The following HEPHL1 variants were observed in gnomAD, a reference collection of about 807,000 sequenced individuals.
HEPHL1 encodes the protein hephaestin like 1, also known as ferroxidase HEPHL1.
HEPHL1 carries 123 observed loss-of-function variants against 122.0 expected under a neutral mutation model. That is an observed-to-expected ratio of 1.01 (90% CI 0.87 to 1.17). HEPHL1 has a LOEUF of 1.17. HEPHL1 is among the 50% of genes most tolerant of loss of function. HEPHL1 has a pLI of 0.00. For synonymous variants in HEPHL1, 527 were observed against 508.9 expected (o/e 1.04, Z -0.48); for missense variants, 1,452 against 1,430.5 (o/e 1.01, Z -0.24).
rs1214137801 is a variant in HEPHL1 at position 94,075,360 on chromosome 11, G to A, written c.1691G>A (p.Gly564Asp). 2.5e-6 allele frequency: 4 copies of A among 1,612,890 alleles called. No homozygotes were observed. The highest frequency in any genetic ancestry group is 1.7e-5 in the Admixed American group (1 of 59,898). Reference sequence around the variant, plus strand: ...GGGCCTTTGCTAGTCTGTAAAAAGGGCGTCCTCAATGCTGATGGGACACAG... The same window carrying A: ...GGGCCTTTGCTAGTCTGTAAAAAGGACGTCCTCAATGCTGATGGGACACAG... ...LVGPLLVCKKGVLNADGTQKG... is the reference protein window; with the variant it reads ...LVGPLLVCKKDVLNADGTQKG... Residue 564 changes from glycine (G) to aspartate (D), a missense_variant, in exon 9 of 20, where the codon GGC becomes GAC. Gly to Asp is a moderately conservative substitution (Grantham distance 94). Coordinates refer to ENST00000315765, the MANE Select transcript of HEPHL1 (RefSeq NM_001098672.2).
At chr11:94,075,886 C>T (rs940507384) in intron 9 of HEPHL1, among the ~76,000 whole-genome samples, 2 of 152,122 alleles carry the variant, frequency 1.3e-5, no homozygotes, top group African/African-American at 4.8e-5. Context: ...AAAAAGAAAG[C>T]ATTTAGATAA....
chr11:94,064,951 G>A (rs1328471759), intron 4 of HEPHL1, among the ~76,000 whole-genome samples: 1 of 152,110 alleles, frequency 6.6e-6, no homozygotes, highest in Admixed American at 6.5e-5. Context: ...TAAGAACTGA[G>A]TTATGCATGG....
Position 94,088,986 on chromosome 11 carries a change from G to A in HEPHL1, c.2294+18G>A, listed in dbSNP as rs183323583. On this transcript the variant is annotated intron_variant, in intron 12 of 19. Coordinates refer to ENST00000315765, the MANE Select transcript of HEPHL1 (RefSeq NM_001098672.2). ...GGGGAAAGGTACCACAGGCGCCGCC[G>A]CTAGGGCTCCTCGGTGGGATCGCGC... is the stretch of plus-strand genomic sequence containing the variant. The A allele has an allele frequency of 1.3e-5, 21 of 1,609,990 alleles. No homozygotes were observed. The highest frequency in any genetic ancestry group is 4.0e-5 in the African/African-American group (3 of 74,840).
chr11:94,027,140 T>A (rs1945632169), intron 1 of HEPHL1, among the ~76,000 whole-genome samples: 1 of 152,212 alleles, frequency 6.6e-6, no homozygotes. Context: ...CTCTGATCTC[T>A]GCCTCCATTT....
At chr11:94,022,359 C>T (rs1287205098) in intron 1 of HEPHL1, among the ~76,000 whole-genome samples, 1 of 152,198 alleles carries the variant, frequency 6.6e-6, no homozygotes, top group Non-Finnish European at 1.5e-5. Context: ...TTTTGGCAAC[C>T]TCTGTTGGAT....
chr11:94,071,113 G>A (rs368128366), intron 6 of HEPHL1, among the ~76,000 whole-genome samples: 19 of 152,010 alleles, frequency 1.2e-4, no homozygotes, highest in Non-Finnish European at 2.4e-4. Context: ...TTCTCTCTGC[G>A]CTCCCATAGA....
intron 13 of HEPHL1, among the ~76,000 whole-genome samples, chr11:94,094,013 T>TATATATATAA (rs1485344204): frequency 6.6e-5 from 8 of 121,692 alleles, no homozygotes; most frequent in East Asian, 2.7e-4. Context: ...TATATATATA[T>TATATATATAA]AAAACTTTAA....
At chr11:94,098,756 A>G (rs1389604121) in intron 13 of HEPHL1, among the ~76,000 whole-genome samples, 1 of 152,010 alleles carries the variant, frequency 6.6e-6, no homozygotes, top group African/African-American at 2.4e-5. Flanking sequence ...ACTTCATTTC[A>G]TTCATTTGAT....
At chr11:94,067,870 G>T in intron 5 of HEPHL1, 120 bp downstream of exon 5, 2 of 778,592 alleles carry the variant, frequency 2.6e-6, no homozygotes, top group Non-Finnish European at 4.0e-6. Context: ...TATTTAATTA[G>T]GTAATAAATA....
intron 4 of HEPHL1, among the ~76,000 whole-genome samples, chr11:94,065,735 T>A (rs1946028107): frequency 6.6e-6 from 1 of 152,080 alleles, no homozygotes; most frequent in African/African-American, 2.4e-5. Context: ...AAAATGGGAG[T>A]GATGATCTCA....
At chr11:94,085,926 C>T in intron 10 of HEPHL1, 51 bp from the exon 11 acceptor site, 1 of 1,315,876 alleles carries the variant, frequency 7.6e-7, no homozygotes, top group Middle Eastern at 1.8e-4. Context: ...TTGAAGCTCC[C>T]CTGCCCCATA....
intron 12 of HEPHL1, among the ~76,000 whole-genome samples, chr11:94,089,279 G>A (rs1282850896): frequency 4.6e-5 from 7 of 152,164 alleles, no homozygotes; most frequent in African/African-American, 7.2e-5. Context: ...GGGCTGGGAA[G>A]ACAAAAAGGG....
intron 4 of HEPHL1, among the ~76,000 whole-genome samples, chr11:94,064,770 A>G (rs1259589204): frequency 1.3e-5 from 2 of 152,154 alleles, no homozygotes; most frequent in South Asian, 2.1e-4. Context: ...GGAGGGATCG[A>G]TGTTATATTG....
In HEPHL1 at chr11:94,094,743, T is replaced by G. The variant is rs868242814; in HGVS notation, c.2434+1103T>G. 2.0e-5 allele frequency among the ~76,000 whole-genome samples: 3 copies of G among 152,360 alleles called. No individual in the cohort carries two copies. The South Asian group carries it at 6.2e-4, about 32-fold the overall frequency. Reference sequence around the variant, plus strand: ...GTGGTTTTGATTTGCATTTCTCTGATGGCCAGTGATGATGAGCATTTTTTC... The same window carrying G: ...GTGGTTTTGATTTGCATTTCTCTGAGGGCCAGTGATGATGAGCATTTTTTC... On this transcript the variant is annotated intron_variant, in intron 13 of 19. Coordinates refer to ENST00000315765, the MANE Select transcript of HEPHL1 (RefSeq NM_001098672.2).
chr11:94,063,762 G>A (rs1402481535), intron 3 of HEPHL1, 42 bp downstream of exon 3: 15 of 1,536,498 alleles, frequency 9.8e-6, no homozygotes, highest in Non-Finnish European at 1.2e-5. Flanking sequence ...GTTGAAATGT[G>A]AATAAGATTC....
At chr11:94,036,612 T>C (rs370315606) in intron 1 of HEPHL1, among the ~76,000 whole-genome samples, 2 of 152,060 alleles carry the variant, frequency 1.3e-5, no homozygotes, top group East Asian at 1.9e-4. Context: ...CAAAACTGCA[T>C]GAATTGGAGG....
chr11:94,100,060 T>C lies in HEPHL1; in HGVS notation c.2435-1135T>C, dbSNP rs1946355398. ...ACAAGCCGCAGTGAGATGAACCCGG[T>C]ACCTCAGTTGGAAATGCAGAAATCA... On this transcript the variant is annotated intron_variant, in intron 13 of 19. Transcript: ENST00000315765. Among the ~76,000 whole-genome samples the C allele has an allele frequency of 5.9e-5, 9 of 152,264 alleles. No individual in the cohort carries two copies. In the South Asian group the frequency reaches 1.9e-3, roughly 32 times the overall value.
intron 16 of HEPHL1, 29 bp downstream of exon 16, chr11:94,104,779 T>G: frequency 6.6e-7 from 1 of 1,510,736 alleles, no homozygotes; most frequent in Non-Finnish European, 9.1e-7. Flanking sequence ...AAGAAGCCTA[T>G]GTTGAGATAA....
chr11:94,110,654 G>A (rs1170950800), intron 17 of HEPHL1, among the ~76,000 whole-genome samples: 1 of 152,196 alleles, frequency 6.6e-6, no homozygotes, highest in Non-Finnish European at 1.5e-5. Context: ...ATACCAGGAG[G>A]TGGGGATCAT....
Sources: gnomAD v4.1 joint callset for allele counts (sites outside exome capture counted in the v4.1 genomes callset) on GRCh38, gnomAD v4.1.1 for gene constraint, MANE v1.5 for transcripts, NCBI Gene and HGNC (gene_info 2026-07-23, HGNC 2026-07-21) for gene names.